The following SLC10A7 variants were observed in gnomAD, a reference collection of about 807,000 sequenced individuals.
SLC10A7 encodes solute carrier family 10 member 7, also known as sodium/bile acid cotransporter 7.
Under a neutral mutation model 43.2 loss-of-function variants are expected in SLC10A7, and 29 were observed. The ratio of observed to expected loss-of-function variants is 0.67; its 90% confidence interval spans 0.50 to 0.92. SLC10A7 has a LOEUF of 0.92. Among genes scored for constraint, SLC10A7 ranks in the 40% least tolerant of loss-of-function variants. The pLI is 0.00. For synonymous variants in SLC10A7, 152 were observed against 144.8 expected (o/e 1.05, Z -0.35); for missense variants, 295 against 403.2 (o/e 0.73, Z 2.30).
chr4:146,469,436 C>T (rs144719566), intron 4 of SLC10A7, among the ~76,000 whole-genome samples: 4 of 152,236 alleles, frequency 2.6e-5, no homozygotes, highest in Admixed American at 6.5e-5. Flanking sequence ...CACTAGGATC[C>T]GTGGAGTTAG....
At chr4:146,335,623 G>C (rs1733844784) in intron 5 of SLC10A7, among the ~76,000 whole-genome samples, 1 of 151,898 alleles carries the variant, frequency 6.6e-6, no homozygotes, top group Admixed American at 6.6e-5. Context: ...AGTTGATATT[G>C]GTCATCTAAA....
At chr4:146,263,621 C>A (rs1027384051) in intron 10 of SLC10A7, among the ~76,000 whole-genome samples, 1 of 152,136 alleles carries the variant, frequency 6.6e-6, no homozygotes, top group Non-Finnish European at 1.5e-5. Flanking sequence ...TTTTAATGCT[C>A]CCAGGTACTG....
chr4:146,313,237 C>G (rs752828236), intron 6 of SLC10A7, among the ~76,000 whole-genome samples: 4 of 152,180 alleles, frequency 2.6e-5, no homozygotes, highest in Non-Finnish European at 5.9e-5. Context: ...CTGGCTAGGA[C>G]AAGACTGCCC....
chr4:146,512,949 T>C (rs1737618357), intron 2 of SLC10A7, among the ~76,000 whole-genome samples: 1 of 152,186 alleles, frequency 6.6e-6, no homozygotes, highest in African/African-American at 2.4e-5. Flanking sequence ...TATTTATGTG[T>C]TGAGATGAAA....
Position 146,419,388 on chromosome 4 carries a change from T to C in SLC10A7, c.435+23395A>G, listed in dbSNP as rs531332147. 3.1e-3 allele frequency among the ~76,000 whole-genome samples: 475 copies of C among 152,340 alleles called. 2 individuals carry two copies. Among genetic ancestry groups the C allele is most frequent in the African/African-American group, 0.011 (443 of 41,572 alleles). ...TAGGAGCTTTATACCAGAAAATACA[T>C]ATTTCACAATATCACATTTAACTTA... On this transcript the variant is annotated intron_variant, in intron 5 of 11. Transcript: ENST00000335472.
intron 5 of SLC10A7, among the ~76,000 whole-genome samples, chr4:146,370,671 C>A (rs554700348): frequency 6.6e-6 from 1 of 152,120 alleles, no homozygotes; most frequent in East Asian, 1.9e-4. Context: ...TCCCCCACAG[C>A]GCTCAGAGGT....
chr4:146,508,025 T>A (rs115896914), intron 3 of SLC10A7, among the ~76,000 whole-genome samples: 52 of 152,362 alleles, frequency 3.4e-4, no homozygotes, highest in African/African-American at 1.2e-3. Context: ...TTGTTGAGCA[T>A]TTTTAACAGC....
intron 4 of SLC10A7, among the ~76,000 whole-genome samples, chr4:146,449,324 A>G (rs1342414931): frequency 6.6e-6 from 1 of 152,198 alleles, no homozygotes. Flanking sequence ...GTATATCTAA[A>G]TTCTGTGATG....
At chr4:146,465,251 A>G (rs757034271) in intron 4 of SLC10A7, among the ~76,000 whole-genome samples, 7 of 152,172 alleles carry the variant, frequency 4.6e-5, no homozygotes, top group Non-Finnish European at 5.9e-5. Context: ...TTCTAAACAC[A>G]TACAAAAACA....
intron 4 of SLC10A7, among the ~76,000 whole-genome samples, 191 bp downstream of exon 4, chr4:146,503,658 A>T (rs1736626146): frequency 6.6e-6 from 1 of 152,164 alleles, no homozygotes; most frequent in South Asian, 2.1e-4. Context: ...TTCTCTTTGA[A>T]ATCCTAAATT....
chr4:146,342,169 A>G (rs1326975821), intron 5 of SLC10A7, among the ~76,000 whole-genome samples: 1 of 151,766 alleles, frequency 6.6e-6, no homozygotes, highest in Non-Finnish European at 1.5e-5. Context: ...CCACTTCTCT[A>G]TATTTCCTGG....
rs146530319 is a variant in SLC10A7 at position 146,381,692 on chromosome 4, C to T, written c.436-55696G>A. 2.6e-3 allele frequency among the ~76,000 whole-genome samples: 400 copies of T among 152,184 alleles called. 9 individuals carry two copies. Among genetic ancestry groups the T allele is most frequent in the Admixed American group, 0.023 (347 of 15,274 alleles). ...GGGAGGCAAGTTCTTCTTTTCCCTTCCCCCAAAGGAGCAAGTTCTGTTTCT... is the reference window on the plus strand; with the variant it reads ...GGGAGGCAAGTTCTTCTTTTCCCTTTCCCCAAAGGAGCAAGTTCTGTTTCT... On this transcript the variant is annotated intron_variant, in intron 5 of 11. Transcript: ENST00000335472.
chr4:146,436,986 G>T (rs189682972), intron 5 of SLC10A7, among the ~76,000 whole-genome samples: 1 of 152,202 alleles, frequency 6.6e-6, no homozygotes, highest in East Asian at 1.9e-4. Context: ...CTATAATGAT[G>T]TCTGAATGCT....
intron 10 of SLC10A7, among the ~76,000 whole-genome samples, chr4:146,263,962 A>G (rs1728392366): frequency 6.6e-6 from 1 of 152,224 alleles, no homozygotes; most frequent in African/African-American, 2.4e-5. Flanking sequence ...ACACTTGGGA[A>G]ATCACTAATG....
At chr4:146,462,833 C>T (rs1198753857) in intron 4 of SLC10A7, among the ~76,000 whole-genome samples, 2 of 152,108 alleles carry the variant, frequency 1.3e-5, no homozygotes, top group African/African-American at 2.4e-5. Flanking sequence ...CCTGGTCAAA[C>T]GTTTTATATC....
intron 5 of SLC10A7, among the ~76,000 whole-genome samples, chr4:146,370,848 T>C (rs541651796): frequency 3.3e-5 from 5 of 152,214 alleles, no homozygotes; most frequent in Non-Finnish European, 7.4e-5. Context: ...AGAGTGAAGA[T>C]CTAGTAATTA....
rs930909448 is a variant in SLC10A7 at position 146,416,047 on chromosome 4, C to T, written c.435+26736G>A. Among the ~76,000 whole-genome samples the T allele has an allele frequency of 2.0e-4, 31 of 152,170 alleles. 1 individual carries two copies. Among genetic ancestry groups the T allele is most frequent in the Non-Finnish European group, 1.6e-4 (11 of 68,030 alleles). On this transcript the variant is annotated intron_variant, in intron 5 of 11. Coordinates refer to ENST00000335472, the MANE Select transcript of SLC10A7 (RefSeq NM_001029998.6). ...CTGCTCTCCCAGACATACTCTATAC[C>T]TATTCTCAGGTATGTTCAGAACCTA... is the stretch of plus-strand genomic sequence containing the variant.
intron 9 of SLC10A7, among the ~76,000 whole-genome samples, chr4:146,283,912 CAG>C (rs1222717730): frequency 1.3e-5 from 2 of 152,120 alleles, no homozygotes; most frequent in Admixed American, 1.3e-4. Context: ...AGGATTCAAA[CAG>C]AGTCTAGTTC....
chr4:146,470,493 T>C (rs1254916500), intron 4 of SLC10A7, among the ~76,000 whole-genome samples: 3 of 152,064 alleles, frequency 2.0e-5, no homozygotes, highest in African/African-American at 7.2e-5. Flanking sequence ...TTGCTATAAC[T>C]ACAAAGAAGG....
Sources: gnomAD v4.1 joint callset for allele counts (sites outside exome capture counted in the v4.1 genomes callset) on GRCh38, gnomAD v4.1.1 for gene constraint, MANE v1.5 for transcripts, NCBI Gene and HGNC (gene_info 2026-07-23, HGNC 2026-07-21) for gene names.